The following RANBP3L variants were observed in gnomAD, a reference collection of about 807,000 sequenced individuals.
The protein encoded by RANBP3L is ran-binding protein 3-like.
In RANBP3L, 56 loss-of-function variants were observed where a neutral mutation model predicts 67.2. That is an observed-to-expected ratio of 0.83 (90% CI 0.67 to 1.04). RANBP3L has a LOEUF of 1.04. RANBP3L is among the 50% of genes least tolerant of loss of function. The probability of loss-of-function intolerance (pLI) is 0.00; values close to 1 mark genes in which losing one functional copy is unlikely to be tolerated. For synonymous variants in RANBP3L, 164 were observed against 181.4 expected (o/e 0.90, Z 0.77); for missense variants, 496 against 535.5 (o/e 0.93, Z 0.73).
At chr5:36,300,005 T>C (rs1414474045) in intron 1 of RANBP3L, among the ~76,000 whole-genome samples, 1 of 152,172 alleles carries the variant, frequency 6.6e-6, no homozygotes, top group Non-Finnish European at 1.5e-5. Context: ...CTTTGGGTGG[T>C]GGGGTTACAG....
At chr5:36,258,026 C>G (rs931268839) in intron 8 of RANBP3L, among the ~76,000 whole-genome samples, 2 of 151,954 alleles carry the variant, frequency 1.3e-5, no homozygotes, top group Non-Finnish European at 2.9e-5. Context: ...GAAACATATA[C>G]CAAGGTATTT....
chr5:36,290,416 C>T (rs1210912719), intron 1 of RANBP3L, among the ~76,000 whole-genome samples: 1 of 151,646 alleles, frequency 6.6e-6, no homozygotes, highest in African/African-American at 2.4e-5. Context: ...GGGGTTTCAC[C>T]ATGTTGGCCA....
chr5:36,262,154 G>C (rs2362977), intron 6 of RANBP3L, 112 bp from the exon 7 acceptor site: 225,269 of 603,608 alleles, frequency 0.37, 44,513 homozygotes, highest in South Asian at 0.47. Context: ...CTATGTTTAA[G>C]TACTGCCTTA....
At chr5:36,267,077 T>C (rs1024474164) in intron 4 of RANBP3L, among the ~76,000 whole-genome samples, 3 of 152,174 alleles carry the variant, frequency 2.0e-5, no homozygotes, top group African/African-American at 7.2e-5. Context: ...TTTCTCTTAA[T>C]GTCTGAGCTT....
rs1248961222 is a variant in RANBP3L, at chr5:36,253,899, A to G, written c.1025-110T>C. 12 of 1,020,688 alleles carry G rather than the reference A, an allele frequency of 1.2e-5. No homozygotes were observed. The East Asian group carries it at 2.0e-4, about 17-fold the overall frequency. The allele number at this position is 1,020,688 out of a possible 1,614,324, so 63.2% of individuals were successfully genotyped here. A position where few individuals can be genotyped will look rare whatever the true frequency, so the allele number is the denominator to read the frequency against. On this transcript the variant is annotated intron_variant, in intron 11 of 13. Coordinates refer to ENST00000296604, the MANE Select transcript of RANBP3L (RefSeq NM_145000.5). ...AGTTGTTTTTCAGACTGTAGATTCA[A>G]TACTAACTTGTGATTTGACTAGATT...
chr5:36,294,576 A>C (rs1026364111), intron 1 of RANBP3L, among the ~76,000 whole-genome samples: 2 of 151,660 alleles, frequency 1.3e-5, no homozygotes, highest in Non-Finnish European at 2.9e-5. Context: ...GCTTTGAATG[A>C]GTCCCAGAGA....
At chr5:36,294,902 T>A (rs6885584) in intron 1 of RANBP3L, among the ~76,000 whole-genome samples, 1 of 147,580 alleles carries the variant, frequency 6.8e-6, no homozygotes, top group Admixed American at 6.8e-5. Flanking sequence ...TACATATATG[T>A]GTGTATATAT....
At chr5:36,265,977 C>CA (rs10717173) in intron 4 of RANBP3L, among the ~76,000 whole-genome samples, 4,314 of 75,516 alleles carry the variant, frequency 0.057, 177 homozygotes, top group South Asian at 0.18. Context: ...GACTCCATTT[C>CA]AAAAAAAAAA....
At chr5:36,279,514 G>A (rs1439588960) in intron 1 of RANBP3L, among the ~76,000 whole-genome samples, 2 of 152,132 alleles carry the variant, frequency 1.3e-5, no homozygotes, top group Non-Finnish European at 2.9e-5. Flanking sequence ...AGATAACGAG[G>A]CCTCTGGGGA....
At chr5:36,259,200 T>G (rs1041679944) in intron 8 of RANBP3L, among the ~76,000 whole-genome samples, 1 of 152,152 alleles carries the variant, frequency 6.6e-6, no homozygotes, top group African/African-American at 2.4e-5. Context: ...AGCTCTAGGA[T>G]TGGTGAGTTG....
At chr5:36,250,131 A>G (rs1748491836) in intron 13 of RANBP3L, among the ~76,000 whole-genome samples, 1 of 152,020 alleles carries the variant, frequency 6.6e-6, no homozygotes. Context: ...AACATGTGTC[A>G]TTAGTTAGTG....
chr5:36,287,783 T>C (rs533375117), intron 1 of RANBP3L, among the ~76,000 whole-genome samples: 55 of 152,308 alleles, frequency 3.6e-4, no homozygotes, highest in Middle Eastern at 3.4e-3. Flanking sequence ...TTCTAAGCTT[T>C]AGGAATAAAA....
intron 1 of RANBP3L, among the ~76,000 whole-genome samples, chr5:36,299,274 TATATAC>T (rs1232309034): frequency 2.6e-5 from 4 of 152,124 alleles, no homozygotes; most frequent in Non-Finnish European, 4.4e-5. Flanking sequence ...AACTCATCTT[TATATAC>T]ATATACACAC....
At chr5:36,270,033 T>C (rs765294328) in intron 2 of RANBP3L, 43 bp from the exon 3 acceptor site, 1 of 1,568,600 alleles carries the variant, frequency 6.4e-7, no homozygotes, top group Non-Finnish European at 8.8e-7. Flanking sequence ...AGTATTTGCC[T>C]TTGTATTATG....
intron 6 of RANBP3L, 107 bp downstream of exon 6, chr5:36,264,852 A>G: frequency 1.0e-6 from 1 of 988,814 alleles, no homozygotes; most frequent in Non-Finnish European, 1.5e-6. Flanking sequence ...GCCCAACAAC[A>G]AAACAAAGCT....
At chr5:36,294,883 C>T (rs1347110078) in intron 1 of RANBP3L, among the ~76,000 whole-genome samples, 4 of 146,982 alleles carry the variant, frequency 2.7e-5, no homozygotes, top group Non-Finnish European at 6.0e-5. Context: ...TGTATATATA[C>T]ACTATATATA....
intron 1 of RANBP3L, among the ~76,000 whole-genome samples, chr5:36,277,422 C>CTATATATA (rs1554017945): frequency 7.8e-5 from 9 of 115,254 alleles, no homozygotes; most frequent in South Asian, 3.1e-4. Flanking sequence ...CTCTCTCTCT[C>CTATATATA]TATATATATA....
intron 1 of RANBP3L, among the ~76,000 whole-genome samples, chr5:36,272,988 G>C (rs923552397): frequency 6.6e-6 from 1 of 152,034 alleles, no homozygotes; most frequent in Non-Finnish European, 1.5e-5. Flanking sequence ...TCTTCCCTTG[G>C]AGCCAAGTGA....
intron 1 of RANBP3L, among the ~76,000 whole-genome samples, chr5:36,279,437 A>G (rs1750822241): frequency 6.6e-6 from 1 of 152,176 alleles, no homozygotes; most frequent in African/African-American, 2.4e-5. Flanking sequence ...CCACAGCATG[A>G]CATTACTAAC....
Sources: gnomAD v4.1 joint callset for allele counts (sites outside exome capture counted in the v4.1 genomes callset) on GRCh38, gnomAD v4.1.1 for gene constraint, MANE v1.5 for transcripts, NCBI Gene and HGNC (gene_info 2026-07-23, HGNC 2026-07-21) for gene names.